ZNF441: variants seen among roughly 807,000 people sequenced by gnomAD.
ZNF441 encodes zinc finger protein 441.
Under a neutral mutation model 64.5 loss-of-function variants are expected in ZNF441, and 25 were observed. That is an observed-to-expected ratio of 0.39 (90% CI 0.28 to 0.54). The LOEUF (loss-of-function observed/expected upper bound fraction) is 0.54. Among genes scored for constraint, ZNF441 ranks in the 20% least tolerant of loss-of-function variants. The probability of loss-of-function intolerance (pLI) is 0.70; values close to 1 mark genes in which losing one functional copy is unlikely to be tolerated. For missense variants in ZNF441, 715 were observed against 843.3 expected, an observed-to-expected ratio of 0.85 and a Z score of 1.88; for synonymous variants, 262 against 268.0, an observed-to-expected ratio of 0.98 and a Z score of 0.22.
Position 11,767,806 on chromosome 19 carries a change from A to C in ZNF441, c.3+610A>C, listed in dbSNP as rs1016585248. Among the ~76,000 whole-genome samples, 2 of 152,190 alleles carry C rather than the reference A, an allele frequency of 1.3e-5. No homozygotes were observed. The highest frequency in any genetic ancestry group is 4.8e-5 in the African/African-American group (2 of 41,448). On this transcript the variant is annotated intron_variant, in intron 1 of 3. Coordinates refer to ENST00000357901, the MANE Select transcript of ZNF441 (RefSeq NM_152355.3). This position sits in a 1 kb window ranked among gnomAD's most constrained non-coding sequence, Gnocchi z 5.1. ...GGCGACTCTTGAGCAACTCTCAGAG[A>C]TCTCATCCCCAAGCACAATGGCGAA...
intron 1 of ZNF441, among the ~76,000 whole-genome samples, chr19:11,771,995 C>T (rs1975317893): frequency 6.6e-6 from 1 of 152,184 alleles, no homozygotes; most frequent in Admixed American, 6.5e-5. Flanking sequence ...ATCCTGTACA[C>T]CTGGCTCTGC....
At chr19:11,779,953 C>A in intron 3 of ZNF441, 66 bp from the exon 4 acceptor site, 1 of 1,291,208 alleles carries the variant, frequency 7.7e-7, no homozygotes, top group Non-Finnish European at 1.1e-6. Context: ...AATGTAAATC[C>A]AATACTTATT....
Position 11,782,176 on chromosome 19 carries a change from T to A in ZNF441, c.*270T>A, listed in dbSNP as rs1975410547. ...ACATACTAGCAATGGACCTTACTAC[T>A]GTAAGGAATGTAGAAATGCATTTAC... On this transcript the variant is annotated 3_prime_UTR_variant, in exon 4 of 4. Coordinates refer to ENST00000357901, the MANE Select transcript of ZNF441 (RefSeq NM_152355.3). 3.6e-6 allele frequency: 1 copy of A among 279,612 alleles called. No individual in the cohort carries two copies. The highest frequency in any genetic ancestry group is 6.7e-6 in the Non-Finnish European group (1 of 149,252). 17.3% of individuals were successfully genotyped at this position (279,612 alleles called of 1,614,324 possible). A position where few individuals can be genotyped will look rare whatever the true frequency, so the allele number is the denominator to read the frequency against.
At chr19:11,769,925 C>T (rs60198456) in intron 1 of ZNF441, among the ~76,000 whole-genome samples, 23,041 of 151,998 alleles carry the variant, frequency 0.15, 3,747 homozygotes, top group African/African-American at 0.39. Context: ...CTGCCCACCT[C>T]GGCCTCCCAA....
intron 1 of ZNF441, among the ~76,000 whole-genome samples, chr19:11,773,086 C>T (rs377582120): frequency 2.0e-5 from 3 of 152,138 alleles, no homozygotes; most frequent in Non-Finnish European, 2.9e-5. Context: ...CCACTGCGCC[C>T]GGCCTGCTTT....
chr19:11,780,940 C>T lies in ZNF441; in HGVS notation c.1116C>T (p.Ala372=). 1.2e-6 allele frequency: 2 copies of T among 1,613,762 alleles called. No individual in the cohort carries two copies. The highest frequency in any genetic ancestry group is 1.7e-6 in the Non-Finnish European group (2 of 1,179,908). The change falls in exon 4 of 4, where the codon GCC becomes GCT. Residue 372 remains alanine, a synonymous_variant. Coordinates refer to ENST00000357901, the MANE Select transcript of ZNF441 (RefSeq NM_152355.3). ...GPHKCKVCGK[A]FDSPSLCRRH... ...ATAAATGCAAGGTATGTGGGAAAGC[C>T]TTTGATTCTCCCAGTTTATGTCGAA...
Position 11,781,942 on chromosome 19 carries a change from C to G in ZNF441, c.*36C>G, listed in dbSNP as rs748758317. 1.4e-6 allele frequency: 2 copies of G among 1,481,260 alleles called. No individual in the cohort carries two copies. The highest frequency in any genetic ancestry group is 1.8e-6 in the Non-Finnish European group (2 of 1,107,166). The allele number at this position is 1,481,260 out of a possible 1,614,324, so 91.8% of individuals were successfully genotyped here. ...TATGAGTGTTGAACATGTGAGAAAG[C>G]CTTAAGTACTTTCAGCTTCTTACAA... is the stretch of plus-strand genomic sequence containing the variant. On this transcript the variant is annotated 3_prime_UTR_variant, in exon 4 of 4. Transcript: ENST00000357901.
rs543933785 is a variant in ZNF441 at position 11,774,181 on chromosome 19, G to C, written c.4-3430G>C. ...CAAATAACACTATACCGGCTTCAGG[G>C]GTAGTGCTGATATAACAAAGTATTC... On this transcript the variant is annotated intron_variant, in intron 1 of 3. Transcript: ENST00000357901. Among the ~76,000 whole-genome samples the C allele has an allele frequency of 1.4e-4, 21 of 152,102 alleles. No individual in the cohort carries two copies. The South Asian group carries it at 3.7e-3, about 27-fold the overall frequency.
chr19:11,776,609 A>G (rs1975356642), intron 1 of ZNF441, among the ~76,000 whole-genome samples: 1 of 152,156 alleles, frequency 6.6e-6, no homozygotes, highest in African/African-American at 2.4e-5. Flanking sequence ...CTTCTTTGAC[A>G]TTACTTAATA....
At chr19:11,777,333 A>C (rs1975363149) in intron 1 of ZNF441, among the ~76,000 whole-genome samples, 1 of 152,178 alleles carries the variant, frequency 6.6e-6, no homozygotes, top group Non-Finnish European at 1.5e-5. Flanking sequence ...CCACTGTAGA[A>C]ATAGAAATGA....
Position 11,767,578 on chromosome 19 carries a change from A to G in ZNF441, c.3+382A>G, listed in dbSNP as rs1975280725. Reference sequence around the variant, plus strand: ...AGGACACCCCAGATCCGCCTTCCTGAGAGGTTTGGGGATGGGGTGTTTAGG... The same window carrying G: ...AGGACACCCCAGATCCGCCTTCCTGGGAGGTTTGGGGATGGGGTGTTTAGG... On this transcript the variant is annotated intron_variant, in intron 1 of 3. Transcript: ENST00000357901. This position sits in a 1 kb window ranked among gnomAD's most constrained non-coding sequence, Gnocchi z 5.1. 6.7e-6 allele frequency among the ~76,000 whole-genome samples: 1 copy of G among 148,288 alleles called. No homozygotes were observed. Among genetic ancestry groups the G allele is most frequent in the Non-Finnish European group, 1.5e-5 (1 of 67,278 alleles).
In ZNF441 at chr19:11,778,341, C is replaced by G; in HGVS notation, c.142C>G (p.Gln48Glu). Residue 48 changes from glutamine to glutamate, a missense_variant, in exon 3 of 4, where the codon CAA becomes GAA. Transcript: ENST00000357901. ...RNLDCIGMIW[Q>E]NHDIEEDQYK... ...GTTCTAACTTTTAGGAATGATATGG[C>G]AAAATCATGATATAGAAGAAGATCA... 6.5e-7 allele frequency: 1 copy of G among 1,543,172 alleles called. No individual in the cohort carries two copies. The highest frequency in any genetic ancestry group is 8.7e-7 in the Non-Finnish European group (1 of 1,143,552).
intron 1 of ZNF441, among the ~76,000 whole-genome samples, chr19:11,776,655 T>A (rs1330658799): frequency 6.6e-6 from 1 of 152,222 alleles, no homozygotes; most frequent in African/African-American, 2.4e-5. Context: ...TAAAATATCC[T>A]TATTAGTCTT....
At chr19:11,779,993 A>C (rs1040304198) in intron 3 of ZNF441, 26 bp from the exon 4 acceptor site, 1 of 1,507,648 alleles carries the variant, frequency 6.6e-7, no homozygotes, top group African/African-American at 1.4e-5. Flanking sequence ...ACAAACCTTT[A>C]CTAATGTACT....
Position 11,781,744 on chromosome 19 carries a change from G to A in ZNF441, c.1920G>A (p.Glu640=). 1 of 1,614,114 alleles carries A rather than the reference G, an allele frequency of 6.2e-7. No homozygotes were observed. Among genetic ancestry groups the A allele is most frequent in the Non-Finnish European group, 8.5e-7 (1 of 1,179,986 alleles). The part of the protein sequence containing the change: ...LRIHERVHTG[E]KPYKCKECGK... ...TACACGAAAGAGTTCATACTGGAGA[G>A]AAGCCGTATAAATGTAAGGAATGTG... Residue 640 remains glutamate, a synonymous_variant, in exon 4 of 4, where the codon GAG becomes GAA. Transcript: ENST00000357901.
intron 1 of ZNF441, among the ~76,000 whole-genome samples, chr19:11,771,902 TGTCCGCA>T (rs971988620): frequency 6.6e-6 from 1 of 152,236 alleles, no homozygotes; most frequent in Non-Finnish European, 1.5e-5. Context: ...CAGTCAGGTT[TGTCCGCA>T]GTTACCTGGA....
chr19:11,781,903 C>G lies in ZNF441; in HGVS notation c.2079C>G (p.His693Gln). 1 of 1,582,208 alleles carries G rather than the reference C, an allele frequency of 6.3e-7. No homozygotes were observed. Among genetic ancestry groups the G allele is most frequent in the African/African-American group, 1.4e-5 (1 of 73,640 alleles). ...ISSFHKHEMT[H>Q] ...CCTTTCATAAACATGAAATGACTCA[C>G]TAGAGAAAACCCCTATGAGTGTTGA... is the stretch of plus-strand genomic sequence containing the variant. Residue 693 changes from histidine to glutamine, a missense_variant, in exon 4 of 4, where the codon CAC becomes CAG. His to Gln is a conservative substitution (Grantham distance 24). Around this residue, in one of 2 missense-constraint regions of ZNF441, gnomAD observed 316 missense variants for 429.3 expected, o/e 0.74. Coordinates refer to ENST00000357901, the MANE Select transcript of ZNF441 (RefSeq NM_152355.3).
Position 11,781,418 on chromosome 19 carries a change from A to G in ZNF441, c.1594A>G (p.Lys532Glu). Reference sequence around the variant, plus strand: ...AATTCACACTGGGGAGAGACCCTATAAGTGTAAACTATGTGGGAAAGGCTT... The same window carrying G: ...AATTCACACTGGGGAGAGACCCTATGAGTGTAAACTATGTGGGAAAGGCTT... ...ERIHTGERPY[K>E]CKLCGKGFRS... is the part of the protein sequence containing the mutation. The change falls in exon 4 of 4, where the codon AAG (lysine) becomes GAG (glutamate). Residue 532 changes from lysine to glutamate, a missense_variant. Physicochemically the swap from Lys to Glu is moderately conservative, Grantham distance 56 (BLOSUM62 1). Around this residue, in one of 2 missense-constraint regions of ZNF441, gnomAD observed 316 missense variants for 429.3 expected, o/e 0.74. Coordinates refer to ENST00000357901, the MANE Select transcript of ZNF441 (RefSeq NM_152355.3). 1 of 1,613,876 alleles carries G rather than the reference A, an allele frequency of 6.2e-7. No individual in the cohort carries two copies. Among genetic ancestry groups the G allele is most frequent in the Non-Finnish European group, 8.5e-7 (1 of 1,179,950 alleles).
At chr19:11,771,448 C>T (rs1283618748) in intron 1 of ZNF441, among the ~76,000 whole-genome samples, 1 of 152,164 alleles carries the variant, frequency 6.6e-6, no homozygotes, top group East Asian at 1.9e-4. Context: ...ACCGAGGACA[C>T]GAGCTGTTCC....
Sources: allele counts gnomAD v4.1 joint callset (sites outside exome capture counted in the v4.1 genomes callset), GRCh38; gene constraint gnomAD v4.1.1; regional missense constraint gnomAD v4.1.1; non-coding constraint Gnocchi (gnomAD v3.1); transcripts MANE v1.5; gene names NCBI Gene and HGNC (gene_info 2026-07-23, HGNC 2026-07-21).